TET2: variants seen among roughly 807,000 people sequenced by gnomAD.
TET2 encodes methylcytosine dioxygenase TET2.
TET2 carries 299 observed loss-of-function variants against 142.9 expected under a neutral mutation model. That is an observed-to-expected ratio of 2.09 (90% CI 1.90 to 2.30). TET2 has a LOEUF of 2.30. Among genes scored for constraint, TET2 ranks in the 30% most tolerant of loss-of-function variants. The pLI is 0.00. For synonymous variants in TET2, 819 were observed against 849.0 expected, an observed-to-expected ratio of 0.96 and a Z score of 0.61; for missense variants, 2,418 against 2,378.0, an observed-to-expected ratio of 1.02 and a Z score of -0.35.
At chr4:105,201,450 G>A (rs550923626) in intron 2 of TET2, among the ~76,000 whole-genome samples, 1 of 151,572 alleles carries the variant, frequency 6.6e-6, no homozygotes, top group East Asian at 2.1e-4. Flanking sequence ...TGCTATGCTT[G>A]TTTTTGTTCC....
rs924435532 is a variant in TET2, at chr4:105,241,326, A to G, written c.3410-13A>G. The stretch of plus-strand genomic sequence containing the variant: ...TTGAGGTCTAAAATAATAATCTTCT[A>G]TTATCTCAACAGAGCAAATTATTGA... On this transcript the variant is annotated splice_polypyrimidine_tract_variant and intron_variant, in intron 3 of 10. Transcript: ENST00000380013. 7 of 1,535,364 alleles carry G rather than the reference A, an allele frequency of 4.6e-6. No homozygotes were observed. In the Admixed American group the frequency reaches 1.1e-4, roughly 23 times the overall value.
At chr4:105,176,331 T>C (rs1283528461) in intron 1 of TET2, among the ~76,000 whole-genome samples, 1 of 152,104 alleles carries the variant, frequency 6.6e-6, no homozygotes, top group African/African-American at 2.4e-5. Flanking sequence ...GCATACAGAT[T>C]CCGGAGGAAG....
intron 2 of TET2, among the ~76,000 whole-genome samples, chr4:105,209,049 G>GCATA (rs1553949668): frequency 2.3e-5 from 1 of 44,316 alleles, no homozygotes; most frequent in African/African-American, 4.0e-5. Flanking sequence ...TCAAGGCATG[G>GCATA]TATATATATA....
intron 2 of TET2, among the ~76,000 whole-genome samples, chr4:105,207,550 T>C (rs1306313926): frequency 6.6e-6 from 1 of 152,008 alleles, no homozygotes; most frequent in Non-Finnish European, 1.5e-5. Flanking sequence ...TCCATTTCAG[T>C]GTCTGTATTT....
At chr4:105,247,579 C>G (rs871215) in intron 6 of TET2, among the ~76,000 whole-genome samples, 13,359 of 152,060 alleles carry the variant, frequency 0.088, 1,711 homozygotes, top group African/African-American at 0.28. Flanking sequence ...TTTAAAGAAA[C>G]TGTGATTTTC....
chr4:105,173,027 A>G (rs192066276), intron 1 of TET2, among the ~76,000 whole-genome samples: 126 of 152,342 alleles, frequency 8.3e-4, no homozygotes, highest in Non-Finnish European at 1.6e-3. Context: ...CAAATTTTAA[A>G]TATCCCTTTA....
At chr4:105,215,712 C>T (rs370692298) in intron 2 of TET2, among the ~76,000 whole-genome samples, 6 of 152,068 alleles carry the variant, frequency 3.9e-5, no homozygotes, top group African/African-American at 1.4e-4. Flanking sequence ...TTTTTTTTCC[C>T]CCTTATCTGC....
intron 4 of TET2, chr4:105,242,065 CTGT>C: frequency 8.2e-7 from 1 of 1,225,878 alleles, no homozygotes; most frequent in Non-Finnish European, 1.0e-6. Flanking sequence ...CAGCTCTGAG[CTGT>C]TCTTCTTCTA....
chr4:105,194,274 A>G (rs1164077613), intron 2 of TET2, among the ~76,000 whole-genome samples: 1 of 152,112 alleles, frequency 6.6e-6, no homozygotes. Context: ...AAACAGATCT[A>G]ACTTGTTTAG....
At chr4:105,255,623 C>T (rs1467986545) in intron 6 of TET2, among the ~76,000 whole-genome samples, 1 of 152,030 alleles carries the variant, frequency 6.6e-6, no homozygotes, top group African/African-American at 2.4e-5. Context: ...TTTTTTGCTT[C>T]ATGTATTTTG....
chr4:105,241,729 C>T (rs999480130), intron 4 of TET2: 19 of 1,259,734 alleles, frequency 1.5e-5, no homozygotes, highest in Admixed American at 1.2e-4. Context: ...CTGGCACAGG[C>T]TCCAACGAGA....
At chr4:105,210,213 G>A (rs1021313113) in intron 2 of TET2, among the ~76,000 whole-genome samples, 3 of 152,140 alleles carry the variant, frequency 2.0e-5, no homozygotes, top group Non-Finnish European at 4.4e-5. Context: ...GAACTCTGCT[G>A]AAGGTTAGAA....
chr4:105,212,473 CT>C (rs1490965775), intron 2 of TET2, among the ~76,000 whole-genome samples: 1 of 151,974 alleles, frequency 6.6e-6, no homozygotes, highest in Non-Finnish European at 1.5e-5. Flanking sequence ...GATTATTCAC[CT>C]GTATTTGCCT....
intron 2 of TET2, among the ~76,000 whole-genome samples, chr4:105,225,490 GCCTTT>G (rs1728134842): frequency 6.6e-6 from 1 of 152,072 alleles, no homozygotes; most frequent in African/African-American, 2.4e-5. Context: ...TTCGTTGTCA[GCCTTT>G]TACCTTTGAC....
chr4:105,153,882 TAATG>T (rs1483343680), intron 1 of TET2, among the ~76,000 whole-genome samples: 1 of 152,298 alleles, frequency 6.6e-6, no homozygotes, highest in Non-Finnish European at 1.5e-5. Context: ...GCATTATTAA[TAATG>T]GTAAAAAATG....
intron 2 of TET2, among the ~76,000 whole-genome samples, chr4:105,204,630 GT>G (rs1007461477): frequency 6.6e-5 from 10 of 152,272 alleles, no homozygotes; most frequent in African/African-American, 2.4e-4. Flanking sequence ...AATTTGAAAA[GT>G]TTAAAGAATA....
intron 1 of TET2, among the ~76,000 whole-genome samples, chr4:105,152,561 A>G (rs1273358572): frequency 1.3e-5 from 2 of 150,490 alleles, no homozygotes. Flanking sequence ...AAAAAGTATA[A>G]TCTATTTTCT....
At chr4:105,240,866 A>T (rs769089201) in intron 3 of TET2, 3 of 1,079,950 alleles carry the variant, frequency 2.8e-6, no homozygotes, top group Non-Finnish European at 3.4e-6. Context: ...GGAAGTAGGA[A>T]GAAAAAGGGG....
chr4:105,252,193 A>G (rs1471333101), intron 6 of TET2, among the ~76,000 whole-genome samples: 2 of 151,966 alleles, frequency 1.3e-5, no homozygotes, highest in Admixed American at 6.6e-5. Flanking sequence ...TTTCTCTCCT[A>G]CCCCACTAAC....
Sources: allele counts gnomAD v4.1 joint callset (sites outside exome capture counted in the v4.1 genomes callset), GRCh38; gene constraint gnomAD v4.1.1; transcripts MANE v1.5; gene names NCBI Gene and HGNC (gene_info 2026-07-23, HGNC 2026-07-21).